Variants in PRKAG2 observed in about 807,000 individuals in gnomAD.
The protein encoded by PRKAG2 is 5'-AMP-activated protein kinase subunit gamma-2.
A neutral mutation model predicts 69.6 loss-of-function variants in PRKAG2; 26 were observed. The ratio of observed to expected loss-of-function variants is 0.37; its 90% CI spans 0.27 to 0.52. The LOEUF is 0.52. Among genes scored for constraint, PRKAG2 ranks in the 20% least tolerant of loss-of-function variants. The pLI, the probability that PRKAG2 is intolerant of heterozygous loss-of-function variation, is 0.90. For missense variants in PRKAG2, 557 were observed against 740.0 expected (o/e 0.75, Z 2.87); for synonymous variants, 293 against 285.0 (o/e 1.03, Z -0.28).
At chr7:151,683,734 G>A (rs561348039) in intron 3 of PRKAG2, among the ~76,000 whole-genome samples, 8 of 152,252 alleles carry the variant, frequency 5.3e-5, no homozygotes, top group South Asian at 2.1e-4. Context: ...GGTGCCCAAC[G>A]AAAGTGCCAC....
At chr7:151,720,557 A>G (rs1176392909) in intron 3 of PRKAG2, among the ~76,000 whole-genome samples, 2 of 150,764 alleles carry the variant, frequency 1.3e-5, no homozygotes, top group Admixed American at 1.3e-4. Flanking sequence ...TGTTTTGAAA[A>G]CAAAGCACCG....
intron 3 of PRKAG2, among the ~76,000 whole-genome samples, chr7:151,689,648 G>A (rs907566656): frequency 3.5e-4 from 54 of 152,162 alleles, no homozygotes; most frequent in Non-Finnish European, 7.5e-4. Context: ...GCCAGGTGGC[G>A]GCTGCAGCCG....
chr7:151,670,016 C>A (rs1831730198), intron 4 of PRKAG2, among the ~76,000 whole-genome samples: 1 of 92,674 alleles, frequency 1.1e-5, no homozygotes, highest in Non-Finnish European at 2.1e-5. Context: ...GTGCACACAC[C>A]TGCATGCACA....
intron 1 of PRKAG2, among the ~76,000 whole-genome samples, chr7:151,874,602 G>A (rs1045065324): frequency 2.0e-5 from 3 of 151,960 alleles, no homozygotes; most frequent in Non-Finnish European, 4.4e-5. Flanking sequence ...GAGTTTTCCC[G>A]GGATGGGTGT....
chr7:151,784,280 G>A (rs1048426785), intron 2 of PRKAG2, among the ~76,000 whole-genome samples: 5 of 152,204 alleles, frequency 3.3e-5, no homozygotes, highest in South Asian at 4.1e-4. Flanking sequence ...GTGCATGGAC[G>A]TGCTCTGTTT....
chr7:151,647,785 TA>T (rs1192969575), intron 4 of PRKAG2, among the ~76,000 whole-genome samples: 1 of 152,134 alleles, frequency 6.6e-6, no homozygotes, highest in Non-Finnish European at 1.5e-5. Context: ...TTTGGCAATA[TA>T]AAAAAATCCT....
rs918879557 is a variant in PRKAG2, at chr7:151,777,089, G to T, written c.466+4063C>A. On this transcript the variant is annotated intron_variant, in intron 3 of 15. Coordinates refer to ENST00000287878, the MANE Select transcript of PRKAG2 (RefSeq NM_016203.4). This position sits in a 1 kb window ranked among gnomAD's most constrained non-coding sequence, Gnocchi z 4.3. ...TCTCTGACTCCACCTGCCTGTCTCG[G>T]CCCCTGGCTTTAAGGAAAGGGTGGA... Among the ~76,000 whole-genome samples, 1 of 152,180 alleles carries T rather than the reference G, an allele frequency of 6.6e-6. No homozygotes were observed. Among genetic ancestry groups the T allele is most frequent in the African/African-American group, 2.4e-5 (1 of 41,456 alleles).
At chr7:151,563,888 C>G (rs1229623421) in intron 14 of PRKAG2, among the ~76,000 whole-genome samples, 190 bp downstream of exon 14, 1 of 152,176 alleles carries the variant, frequency 6.6e-6, no homozygotes, top group Non-Finnish European at 1.5e-5. Context: ...TTCAATTCAA[C>G]AAACTTTTAG....
At chr7:151,602,108 A>G (rs1042507643) in intron 5 of PRKAG2, among the ~76,000 whole-genome samples, 1 of 152,260 alleles carries the variant, frequency 6.6e-6, no homozygotes, top group Non-Finnish European at 1.5e-5. Context: ...GCTAAGGATG[A>G]CGCTCCTCGC....
At chr7:151,698,137 T>C (rs1837009406) in intron 3 of PRKAG2, among the ~76,000 whole-genome samples, 1 of 152,032 alleles carries the variant, frequency 6.6e-6, no homozygotes, top group African/African-American at 2.4e-5. Context: ...TGCCTGAGAG[T>C]TTCCTCTGGT....
rs911868249 is a variant in PRKAG2, at chr7:151,835,249, C to T, written c.114+41258G>A. 2.0e-5 allele frequency among the ~76,000 whole-genome samples: 3 copies of T among 152,178 alleles called. No homozygotes were observed. Among genetic ancestry groups the T allele is most frequent in the Non-Finnish European group, 4.4e-5 (3 of 68,038 alleles). ...ATTTGTTTTTAGGGTCAGGGTCTTG[C>T]TGTTTTCCAGGCTGGAGTGCCATGA... On this transcript the variant is annotated intron_variant, in intron 1 of 15. Coordinates refer to ENST00000287878, the MANE Select transcript of PRKAG2 (RefSeq NM_016203.4). The surrounding 1 kb of genome is among the most constrained non-coding windows in gnomAD (Gnocchi z 4.1).
In PRKAG2 at chr7:151,680,778, G is replaced by A. The variant is rs116916687; in HGVS notation, c.467-5141C>T. Among the ~76,000 whole-genome samples the A allele has an allele frequency of 6.9e-4, 105 of 152,316 alleles. 1 individual carries two copies. In the East Asian group the frequency reaches 0.019, roughly 27 times the overall value. On this transcript the variant is annotated intron_variant, in intron 3 of 15. Coordinates refer to ENST00000287878, the MANE Select transcript of PRKAG2 (RefSeq NM_016203.4). ...ACGCGCCCCCCAGCTCTGTGCAGGGGTGTCTCCCACGAGGACCAGGACCAG... is the reference window on the plus strand; with the variant it reads ...ACGCGCCCCCCAGCTCTGTGCAGGGATGTCTCCCACGAGGACCAGGACCAG...
At chr7:151,623,430 C>T (rs1175751292) in intron 5 of PRKAG2, among the ~76,000 whole-genome samples, 2 of 139,850 alleles carry the variant, frequency 1.4e-5, no homozygotes, top group Non-Finnish European at 3.1e-5. Context: ...CTTGCTTGTG[C>T]AGTTCACAAT....
intron 3 of PRKAG2, among the ~76,000 whole-genome samples, chr7:151,722,981 C>T (rs1312933436): frequency 6.6e-6 from 1 of 152,154 alleles, no homozygotes; most frequent in Non-Finnish European, 1.5e-5. Flanking sequence ...AAACGGAAGG[C>T]TGCAGACAGG....
At chr7:151,760,396 G>C (rs2075343666) in intron 3 of PRKAG2, among the ~76,000 whole-genome samples, 1 of 152,112 alleles carries the variant, frequency 6.6e-6, no homozygotes, top group Non-Finnish European at 1.5e-5. Context: ...ACCATGCCCG[G>C]CTAATTTTTG....
intron 3 of PRKAG2, among the ~76,000 whole-genome samples, chr7:151,708,441 T>C (rs1838995165): frequency 6.6e-6 from 1 of 152,130 alleles, no homozygotes; most frequent in Non-Finnish European, 1.5e-5. Flanking sequence ...AAAATAAAAA[T>C]AGTAAATGTA....
At chr7:151,752,467 A>G (rs6970522) in intron 3 of PRKAG2, among the ~76,000 whole-genome samples, 76,608 of 152,078 alleles carry the variant, frequency 0.5, 19,965 homozygotes, top group East Asian at 0.8. Context: ...AGCCTAATAC[A>G]TGATGAAATA....
At chr7:151,844,125 G>T (rs916255334) in intron 1 of PRKAG2, among the ~76,000 whole-genome samples, 3 of 152,214 alleles carry the variant, frequency 2.0e-5, no homozygotes, top group Non-Finnish European at 2.9e-5. Context: ...AGGGGTTGGG[G>T]AAGCCCTTGG....
intron 4 of PRKAG2, among the ~76,000 whole-genome samples, chr7:151,647,037 G>A (rs1307279287): frequency 6.6e-6 from 1 of 152,234 alleles, no homozygotes; most frequent in Non-Finnish European, 1.5e-5. Context: ...CTACCAGGGA[G>A]GACTCAGGGT....
Sources: gnomAD v4.1 joint callset for allele counts (sites outside exome capture counted in the v4.1 genomes callset) on GRCh38, gnomAD v4.1.1 for gene constraint, Gnocchi (gnomAD v3.1) non-coding constraint, MANE v1.5 for transcripts, NCBI Gene and HGNC (gene_info 2026-07-23, HGNC 2026-07-21) for gene names.